CSMD3: variants seen among roughly 807,000 people sequenced by gnomAD.
CSMD3 encodes the protein CUB and sushi domain-containing protein 3.
Under a neutral mutation model 435.2 loss-of-function variants are expected in CSMD3, and 177 were observed. The ratio of observed to expected loss-of-function variants is 0.41; its 90% CI spans 0.36 to 0.46. CSMD3 has a LOEUF of 0.46. CSMD3 is among the 20% of genes least tolerant of loss of function. CSMD3 has a pLI of 0.34. For missense variants in CSMD3, 4,265 were observed against 4,504.6 expected, an observed-to-expected ratio of 0.95 and a Z score of 1.52; for synonymous variants, 1,656 against 1,520.5, an observed-to-expected ratio of 1.09 and a Z score of -2.07.
At chr8:112,864,801 G>A (rs2080929737) in intron 10 of CSMD3, among the ~76,000 whole-genome samples, 1 of 152,092 alleles carries the variant, frequency 6.6e-6, no homozygotes, top group Non-Finnish European at 1.5e-5. Context: ...CCTGATTTGA[G>A]CAGTTTATAA....
In CSMD3 at chr8:112,306,212, A is replaced by G. The variant is rs775106619; in HGVS notation, c.7886-20T>C. 1.9e-6 allele frequency: 3 copies of G among 1,596,858 alleles called. No homozygotes were observed. The highest frequency in any genetic ancestry group is 2.6e-6 in the Non-Finnish European group (3 of 1,165,860). ...AAATTGCTAGAAAAACATACACACA[A>G]GCAAAATCGTATAAACAGAAAAATG... is the stretch of plus-strand genomic sequence containing the variant. On this transcript the variant is annotated intron_variant, in intron 50 of 70. Coordinates refer to ENST00000297405, the MANE Select transcript of CSMD3 (RefSeq NM_198123.2).
chr8:113,319,813 A>G (rs1431954005), intron 1 of CSMD3, among the ~76,000 whole-genome samples: 1 of 152,092 alleles, frequency 6.6e-6, no homozygotes, highest in Non-Finnish European at 1.5e-5. Context: ...CTTTGTAAAT[A>G]CATTTCTAAG....
intron 28 of CSMD3, among the ~76,000 whole-genome samples, chr8:112,515,231 G>A (rs1823548488): frequency 6.6e-6 from 1 of 151,922 alleles, no homozygotes; most frequent in South Asian, 2.1e-4. Context: ...TCATCAGTTG[G>A]CCCTTCTGGT....
chr8:113,218,892 G>A (rs2092936197), intron 3 of CSMD3, among the ~76,000 whole-genome samples: 1 of 151,090 alleles, frequency 6.6e-6, no homozygotes, highest in Non-Finnish European at 1.5e-5. Context: ...ATTCATTTAT[G>A]ATTTCTATAT....
chr8:112,819,279 G>A (rs1192950226), intron 12 of CSMD3, among the ~76,000 whole-genome samples: 3 of 152,144 alleles, frequency 2.0e-5, no homozygotes, highest in Non-Finnish European at 4.4e-5. Flanking sequence ...TGAACATGCA[G>A]GCTGGGTTGA....
chr8:112,431,417 A>G (rs1813694340), intron 32 of CSMD3, among the ~76,000 whole-genome samples: 1 of 152,136 alleles, frequency 6.6e-6, no homozygotes, highest in Non-Finnish European at 1.5e-5. Context: ...ATAATTTTCT[A>G]AAAGGTAATT....
intron 13 of CSMD3, among the ~76,000 whole-genome samples, chr8:112,782,224 A>T (rs934636403): frequency 6.6e-6 from 1 of 152,106 alleles, no homozygotes. Flanking sequence ...CAAATAAAAA[A>T]AAATTAACAC....
intron 16 of CSMD3, among the ~76,000 whole-genome samples, chr8:112,679,305 G>C (rs1157314316): frequency 6.6e-6 from 1 of 152,028 alleles, no homozygotes; most frequent in Non-Finnish European, 1.5e-5. Flanking sequence ...AGGTGGTTTG[G>C]GATAGAGTAG....
At chr8:113,354,545 C>T (rs1475224867) in intron 1 of CSMD3, among the ~76,000 whole-genome samples, 1 of 152,114 alleles carries the variant, frequency 6.6e-6, no homozygotes, top group East Asian at 1.9e-4. Flanking sequence ...CATGAATGTT[C>T]TAAGAAACAT....
intron 13 of CSMD3, among the ~76,000 whole-genome samples, chr8:112,766,186 A>G (rs2077974547): frequency 6.6e-6 from 1 of 151,812 alleles, no homozygotes; most frequent in Non-Finnish European, 1.5e-5. Context: ...TACATTAAAC[A>G]AAGTAACTTC....
chr8:113,370,304 A>C (rs2094339312), intron 1 of CSMD3, among the ~76,000 whole-genome samples: 1 of 151,756 alleles, frequency 6.6e-6, no homozygotes, highest in African/African-American at 2.4e-5. Flanking sequence ...AGCATAACAA[A>C]CTAGAGTGGC....
At chr8:112,689,391 T>C (rs966626010) in intron 14 of CSMD3, among the ~76,000 whole-genome samples, 22 of 151,924 alleles carry the variant, frequency 1.4e-4, no homozygotes, top group Admixed American at 1.2e-3. Context: ...TGTTAATGAA[T>C]TGTATTGTAT....
chr8:112,293,830 G>A (rs572480500), intron 54 of CSMD3, among the ~76,000 whole-genome samples: 1 of 152,034 alleles, frequency 6.6e-6, no homozygotes, highest in South Asian at 2.1e-4. Context: ...AATGACCCAA[G>A]AGCAATTATT....
intron 10 of CSMD3, among the ~76,000 whole-genome samples, chr8:112,870,998 T>G (rs10955638): frequency 0.5 from 76,402 of 151,892 alleles, 19,770 homozygotes; most frequent in East Asian, 0.79. Flanking sequence ...GTTTTTCTCC[T>G]GCAGCTCATG....
intron 12 of CSMD3, among the ~76,000 whole-genome samples, chr8:112,811,615 T>C (rs767915741): frequency 4.6e-5 from 7 of 152,166 alleles, no homozygotes; most frequent in Non-Finnish European, 7.4e-5. Flanking sequence ...AATTAACATG[T>C]GTGTAATGGA....
At chr8:113,076,183 T>C (rs184356614) in intron 5 of CSMD3, among the ~76,000 whole-genome samples, 37 of 151,490 alleles carry the variant, frequency 2.4e-4, no homozygotes, top group Non-Finnish European at 3.7e-4. Context: ...GAATTCAGGA[T>C]ACTCTAATGG....
chr8:112,782,102 G>A (rs1420480959), intron 13 of CSMD3, among the ~76,000 whole-genome samples: 1 of 151,930 alleles, frequency 6.6e-6, no homozygotes, highest in Non-Finnish European at 1.5e-5. Context: ...ACTAAAGAAA[G>A]GACCAGTGAC....
intron 1 of CSMD3, among the ~76,000 whole-genome samples, chr8:113,429,202 GTAT>G (rs1274360009): frequency 6.6e-6 from 1 of 151,188 alleles, no homozygotes; most frequent in Non-Finnish European, 1.5e-5. Flanking sequence ...TTTATAAAAT[GTAT>G]TATTGTTTCT....
At chr8:113,190,239 A>G (rs529997898) in intron 3 of CSMD3, among the ~76,000 whole-genome samples, 1 of 151,996 alleles carries the variant, frequency 6.6e-6, no homozygotes, top group East Asian at 1.9e-4. Context: ...CTTTTCTCAC[A>G]GAGCCTGTGA....
Sources: gnomAD v4.1 joint callset for allele counts (sites outside exome capture counted in the v4.1 genomes callset) on GRCh38, gnomAD v4.1.1 for gene constraint, MANE v1.5 for transcripts, NCBI Gene and HGNC (gene_info 2026-07-23, HGNC 2026-07-21) for gene names.